Variants in EIF3H observed in about 807,000 individuals in gnomAD.
The protein encoded by EIF3H is eukaryotic translation initiation factor 3 subunit H, also known as eIF-3-gamma.
In EIF3H, 26 loss-of-function variants were observed where a neutral mutation model predicts 44.2. The observed-to-expected ratio is 0.59, with a 90% CI of 0.43 to 0.82. The LOEUF (loss-of-function observed/expected upper bound fraction) is 0.82, where lower values mean the gene tolerates loss of function less well. EIF3H is among the 40% of genes least tolerant of loss of function. The probability of loss-of-function intolerance (pLI) is 0.00; values close to 1 mark genes in which losing one functional copy is unlikely to be tolerated. For synonymous variants in EIF3H, 166 were observed against 151.9 expected (o/e 1.09, Z -0.68); for missense variants, 359 against 432.8 (o/e 0.83, Z 1.51).
At position 116,644,838 on chromosome 8, in the gene EIF3H, T is replaced by G; in HGVS notation, c.*168A>C. The G allele has an allele frequency of 1.8e-6, 1 of 547,730 alleles. No homozygotes were observed. The highest frequency in any genetic ancestry group is 3.3e-6 in the Non-Finnish European group (1 of 306,662). The allele number at this position is 547,730 out of a possible 1,614,324, so 33.9% of individuals were successfully genotyped here. ...AAATCAAATGAGCAAGCAGTCAAGA[T>G]TTTGTTTTATTTTATTATGGCTAGA... On this transcript the variant is annotated 3_prime_UTR_variant, in exon 8 of 8. Transcript: ENST00000521861.
At chr8:116,733,864 C>A (rs1223145164) in intron 1 of EIF3H, among the ~76,000 whole-genome samples, 1 of 152,026 alleles carries the variant, frequency 6.6e-6, no homozygotes, top group Non-Finnish European at 1.5e-5. Flanking sequence ...ATTAGAATGA[C>A]AATGTTTCAC....
intron 4 of EIF3H, among the ~76,000 whole-genome samples, chr8:116,656,207 G>A (rs1027895652): frequency 2.6e-5 from 4 of 151,702 alleles, no homozygotes; most frequent in African/African-American, 4.8e-5. Flanking sequence ...AAAATGATGC[G>A]AATTTGAGCT....
intron 7 of EIF3H, 49 bp from the exon 8 acceptor site, chr8:116,645,152 A>C: frequency 1.4e-6 from 2 of 1,429,186 alleles, no homozygotes; most frequent in Non-Finnish European, 2.0e-6. Context: ...CAAATTGTAA[A>C]ATGATCCAGA....
intron 4 of EIF3H, 65 bp from the exon 5 acceptor site, chr8:116,656,070 A>T: frequency 2.0e-6 from 3 of 1,502,234 alleles, no homozygotes; most frequent in Non-Finnish European, 2.7e-6. Context: ...TGACTACTTC[A>T]TAAAATTTAC....
intron 2 of EIF3H, among the ~76,000 whole-genome samples, chr8:116,664,798 C>A (rs542803088): frequency 1.6e-4 from 24 of 152,082 alleles, no homozygotes; most frequent in Non-Finnish European, 3.4e-4. Context: ...AATCTACCAT[C>A]TAATATTTAA....
At chr8:116,734,156 C>T in intron 1 of EIF3H, 1 of 401,432 alleles carries the variant, frequency 2.5e-6, no homozygotes, top group East Asian at 7.1e-5. Context: ...TGTCCAAGAT[C>T]CTCACACTTT....
chr8:116,702,005 T>A (rs945232590), intron 2 of EIF3H, among the ~76,000 whole-genome samples: 4 of 152,196 alleles, frequency 2.6e-5, no homozygotes, highest in Non-Finnish European at 4.4e-5. Flanking sequence ...ATTTTTTTTT[T>A]AAATAAAAGA....
At chr8:116,737,937 AG>A (rs1205668162) in intron 1 of EIF3H, among the ~76,000 whole-genome samples, 8 of 150,300 alleles carry the variant, frequency 5.3e-5, no homozygotes, top group Non-Finnish European at 8.9e-5. Flanking sequence ...CTGGAGGCTG[AG>A]GCAGGAGAAT....
At chr8:116,756,001 C>G (rs1815442807), upstream of EIF3H, 1 of 1,536,156 alleles carries the variant, frequency 6.5e-7, no homozygotes, top group Non-Finnish European at 8.7e-7. Flanking sequence ...CATTTTCGAC[C>G]TCTTTCCGAT....
intron 2 of EIF3H, among the ~76,000 whole-genome samples, chr8:116,723,575 T>C (rs1048550763): frequency 6.6e-6 from 1 of 152,236 alleles, no homozygotes; most frequent in African/African-American, 2.4e-5. Flanking sequence ...GCAAGGTATT[T>C]CACTTTAGCA....
intron 2 of EIF3H, among the ~76,000 whole-genome samples, chr8:116,676,966 T>G (rs1706847758): frequency 6.6e-6 from 1 of 151,748 alleles, no homozygotes; most frequent in African/African-American, 2.4e-5. Context: ...AAAAAAAAAT[T>G]CATATGAATA....
Position 116,644,663 on chromosome 8 carries a change from G to A in EIF3H, c.*343C>T, listed in dbSNP as rs572696504. ...CAGGAGCTGGGATAAGTAGTTGGGA[G>A]AAGTGGGTTGAAAGGTGGCACCTGA... On this transcript the variant is annotated 3_prime_UTR_variant, in exon 8 of 8. Transcript: ENST00000521861. The A allele has an allele frequency of 1.2e-3, 237 of 204,752 alleles. No individual in the cohort carries two copies. The highest frequency in any genetic ancestry group is 1.7e-3 in the Non-Finnish European group (175 of 102,016). 12.7% of individuals were successfully genotyped at this position (204,752 alleles called of 1,614,324 possible).
chr8:116,721,952 T>C (rs1814753755), intron 2 of EIF3H, among the ~76,000 whole-genome samples: 1 of 152,250 alleles, frequency 6.6e-6, no homozygotes, highest in African/African-American at 2.4e-5. Context: ...ACTTTTGAGT[T>C]AATGCTGAAC....
upstream of EIF3H, among the ~76,000 whole-genome samples, chr8:116,757,491 TAG>T (rs1487991617): frequency 6.6e-6 from 1 of 152,180 alleles, no homozygotes; most frequent in African/African-American, 2.4e-5. Flanking sequence ...GCACCAAATT[TAG>T]ACTTTGAACA....
intron 2 of EIF3H, among the ~76,000 whole-genome samples, chr8:116,684,451 T>A (rs922062545): frequency 6.6e-6 from 1 of 152,346 alleles, no homozygotes; most frequent in South Asian, 2.1e-4. Flanking sequence ...ATTCTTCCCT[T>A]TCTTCAATTA....
chr8:116,748,912 T>A (rs1006527180), intron 1 of EIF3H, among the ~76,000 whole-genome samples: 2 of 152,198 alleles, frequency 1.3e-5, no homozygotes, highest in African/African-American at 4.8e-5. Flanking sequence ...TGGTTTTTAT[T>A]TGTATTTTTA....
At chr8:116,731,238 G>A (rs1334172431) in intron 1 of EIF3H, among the ~76,000 whole-genome samples, 1 of 152,178 alleles carries the variant, frequency 6.6e-6, no homozygotes, top group Non-Finnish European at 1.5e-5. Flanking sequence ...GATAAATGAA[G>A]AGGGGTCCTC....
chr8:116,745,556 A>G (rs1351881431), intron 1 of EIF3H, among the ~76,000 whole-genome samples: 1 of 152,244 alleles, frequency 6.6e-6, no homozygotes. Flanking sequence ...ATGAATTTCA[A>G]TAAGGTGTCT....
intron 2 of EIF3H, among the ~76,000 whole-genome samples, chr8:116,684,674 G>A (rs1814044682): frequency 1.3e-5 from 2 of 151,810 alleles, no homozygotes; most frequent in Non-Finnish European, 2.9e-5. Flanking sequence ...TTATGACCAG[G>A]GCTAAAATTC....
Sources: allele counts gnomAD v4.1 joint callset (sites outside exome capture counted in the v4.1 genomes callset), GRCh38; gene constraint gnomAD v4.1.1; transcripts MANE v1.5; gene names NCBI Gene and HGNC (gene_info 2026-07-23, HGNC 2026-07-21).